PALM2AKAP2: variants seen among roughly 807,000 people sequenced by gnomAD.
PALM2AKAP2 encodes the protein PALM2 and AKAP2 fusion, also known as PALM2-AKAP2 fusion protein.
In PALM2AKAP2, 37 loss-of-function variants were observed where a neutral mutation model predicts 71.5. The ratio of observed to expected loss-of-function variants is 0.52; its 90% CI spans 0.40 to 0.68. The LOEUF (loss-of-function observed/expected upper bound fraction) is 0.68, where lower values mean the gene tolerates loss of function less well. Among genes scored for constraint, PALM2AKAP2 ranks in the 30% least tolerant of loss-of-function variants. PALM2AKAP2 has a pLI of 0.00. For missense variants in PALM2AKAP2, 1,224 were observed against 1,191.8 expected (o/e 1.03, Z -0.40); for synonymous variants, 468 against 478.8 (o/e 0.98, Z 0.29).
chr9:110,135,110 G>A (rs1251467020), intron 1 of PALM2AKAP2, among the ~76,000 whole-genome samples: 1 of 135,244 alleles, frequency 7.4e-6, no homozygotes, highest in Non-Finnish European at 1.6e-5. Context: ...GAGTACAGGA[G>A]TTCAAGACCA....
At chr9:110,085,587 A>C (rs971076234) in intron 1 of PALM2AKAP2, among the ~76,000 whole-genome samples, 37 of 152,370 alleles carry the variant, frequency 2.4e-4, no homozygotes, top group Middle Eastern at 3.4e-3. Context: ...TCAGAGGAAA[A>C]AACCTCAGAA....
chr9:110,010,548 C>A (rs952461366), intron 6 of PALM2AKAP2, among the ~76,000 whole-genome samples: 23 of 146,202 alleles, frequency 1.6e-4, no homozygotes, highest in South Asian at 1.3e-3. Flanking sequence ...TATATAAATT[C>A]TATATATAGA....
chr9:109,841,898 TTGGAAGGATAGAGGGGAGGG>T (rs1174525079), intron 1 of PALM2AKAP2, among the ~76,000 whole-genome samples: 2 of 58,560 alleles, frequency 3.4e-5, no homozygotes, highest in Non-Finnish European at 6.7e-5. Context: ...AGAGGAGAAG[TTGGAAGGATAGAGGGGAGGG>T]TGGAAGGGTA....
intron 1 of PALM2AKAP2, among the ~76,000 whole-genome samples, chr9:110,100,949 A>G (rs1834983132): frequency 6.6e-6 from 1 of 152,188 alleles, no homozygotes; most frequent in Admixed American, 6.5e-5. Flanking sequence ...TGCCTGGAGG[A>G]GAATGTTCCC....
At chr9:110,161,952 G>C (rs746766271) in intron 3 of PALM2AKAP2, 142 bp from the exon 10 acceptor site, 12 of 1,024,744 alleles carry the variant, frequency 1.2e-5, no homozygotes, top group Non-Finnish European at 1.6e-5. Context: ...GATGGAGAAA[G>C]TTTTGGCATG....
At chr9:109,961,277 A>C (rs969947502) in intron 6 of PALM2AKAP2, among the ~76,000 whole-genome samples, 1 of 152,244 alleles carries the variant, frequency 6.6e-6, no homozygotes, top group Admixed American at 6.5e-5. Flanking sequence ...TTATACCCTG[A>C]AGACTATGGA....
chr9:109,887,373 A>T (rs746959040), intron 3 of PALM2AKAP2, among the ~76,000 whole-genome samples: 8 of 152,250 alleles, frequency 5.3e-5, no homozygotes, highest in Non-Finnish European at 7.3e-5. Context: ...GGCATTCCAC[A>T]TCTGTGCACT....
chr9:109,991,702 G>A (rs1022458312), intron 6 of PALM2AKAP2, among the ~76,000 whole-genome samples: 8 of 152,346 alleles, frequency 5.3e-5, no homozygotes, highest in South Asian at 2.1e-4. Flanking sequence ...CTTGTGCAAC[G>A]TAGCTCTGGT....
chr9:109,695,683 G>A (rs1381452363), intron 1 of PALM2AKAP2, among the ~76,000 whole-genome samples: 2 of 152,060 alleles, frequency 1.3e-5, no homozygotes, highest in Non-Finnish European at 2.9e-5. Flanking sequence ...GCAATGGAAT[G>A]TTATTCCATA....
intron 1 of PALM2AKAP2, among the ~76,000 whole-genome samples, chr9:109,844,961 A>ATGTGGG (rs1554720024): frequency 1.0e-5 from 1 of 100,400 alleles, no homozygotes; most frequent in Non-Finnish European, 2.0e-5. Context: ...GTGTGTGTGC[A>ATGTGGG]TGTGCACACA....
chr9:109,785,499 G>A (rs905388150), intron 1 of PALM2AKAP2, among the ~76,000 whole-genome samples: 4 of 152,152 alleles, frequency 2.6e-5, no homozygotes, highest in South Asian at 2.1e-4. Context: ...AGACATACCC[G>A]AGACTGGGTA....
intron 1 of PALM2AKAP2, among the ~76,000 whole-genome samples, chr9:109,859,895 C>CATGCCAACTTAGCTTTCAGCT (rs1245803212): frequency 3.9e-5 from 6 of 152,382 alleles, no homozygotes; most frequent in Non-Finnish European, 8.8e-5. Flanking sequence ...CAGAAAATCA[C>CATGCCAACTTAGCTTTCAGCT]ATGCCAACTT....
chr9:110,109,356 TAAAAA>T (rs35816224), intron 1 of PALM2AKAP2, among the ~76,000 whole-genome samples: 1 of 125,252 alleles, frequency 8.0e-6, no homozygotes, highest in African/African-American at 3.0e-5. Context: ...AAGAAACATT[TAAAAA>T]AAAAAAAAAG....
At chr9:109,890,398 G>T (rs1016349644) in intron 3 of PALM2AKAP2, among the ~76,000 whole-genome samples, 1 of 152,168 alleles carries the variant, frequency 6.6e-6, no homozygotes, top group Non-Finnish European at 1.5e-5. Context: ...TTTCCCTCAG[G>T]TCTAGGCGTG....
intron 6 of PALM2AKAP2, among the ~76,000 whole-genome samples, chr9:109,965,459 A>C (rs559585377): frequency 6.6e-6 from 1 of 152,386 alleles, no homozygotes; most frequent in South Asian, 2.1e-4. Flanking sequence ...CATGAAACAT[A>C]GTGCTAAGTT....
chr9:110,100,532 G>A (rs1834971430), intron 1 of PALM2AKAP2, among the ~76,000 whole-genome samples: 1 of 152,102 alleles, frequency 6.6e-6, no homozygotes, highest in Non-Finnish European at 1.5e-5. Context: ...GTCTGAGAAA[G>A]GCCACTGGAA....
At chr9:109,820,095 A>G (rs1827957373) in intron 1 of PALM2AKAP2, among the ~76,000 whole-genome samples, 1 of 152,230 alleles carries the variant, frequency 6.6e-6, no homozygotes, top group African/African-American at 2.4e-5. Context: ...GGAGGTGAGG[A>G]AAAGGAACAA....
intron 3 of PALM2AKAP2, among the ~76,000 whole-genome samples, chr9:109,890,024 C>T (rs756018863): frequency 6.6e-6 from 1 of 152,158 alleles, no homozygotes; most frequent in Non-Finnish European, 1.5e-5. Flanking sequence ...AGTCTTTTTC[C>T]AATTTTAGGT....
At chr9:110,092,861 G>A (rs551905772) in intron 1 of PALM2AKAP2, among the ~76,000 whole-genome samples, 8 of 152,212 alleles carry the variant, frequency 5.3e-5, no homozygotes, top group South Asian at 4.2e-4. Flanking sequence ...TCTCAATTCC[G>A]TACAGTTCCA....
Sources: gnomAD v4.1 joint callset for allele counts (sites outside exome capture counted in the v4.1 genomes callset) on GRCh38, gnomAD v4.1.1 for gene constraint, MANE v1.5 for transcripts, NCBI Gene and HGNC (gene_info 2026-07-23, HGNC 2026-07-21) for gene names.